The following MDK variants were observed in gnomAD, a reference collection of about 807,000 sequenced individuals.
MDK encodes the protein midkine.
MDK carries 17 observed loss-of-function variants against 18.9 expected under a neutral mutation model. The ratio of observed to expected loss-of-function variants is 0.90; its 90% CI spans 0.62 to 1.35. The LOEUF (loss-of-function observed/expected upper bound fraction) is 1.35, where lower values mean the gene tolerates loss of function less well. Ranked by LOEUF, MDK falls within the 40% of genes most tolerant of loss-of-function variation. The probability of loss-of-function intolerance (pLI) is 0.00; values close to 1 mark genes in which losing one functional copy is unlikely to be tolerated. For synonymous variants in MDK, 86 were observed against 74.3 expected (o/e 1.16, Z -0.81); for missense variants, 180 against 186.3 (o/e 0.97, Z 0.20).
chr11:46,381,356 G>T, upstream of MDK: 1 of 153,186 alleles, frequency 6.5e-6, no homozygotes, highest in South Asian at 1.8e-4. Context: ...CTGGGATGGG[G>T]GCAGCGGGCG....
chr11:46,382,796 C>T (rs746492125), intron 4 of MDK, 48 bp downstream of exon 4: 6 of 1,475,234 alleles, frequency 4.1e-6, no homozygotes, highest in East Asian at 2.7e-5. Flanking sequence ...GGCTGCCCCC[C>T]CCCCCCCCCG....
chr11:46,383,745 T>G lies in MDK; in HGVS notation c.*251T>G. On this transcript the variant is annotated 3_prime_UTR_variant, in exon 5 of 5. Transcript: ENST00000395566. ...TGAGTCCCAGAGCCCGCTTTTGTTC[T>G]TCCCCACAATTCCATTACTAAGAAA... 2 of 616,952 alleles carry G rather than the reference T, an allele frequency of 3.2e-6. No homozygotes were observed. Among genetic ancestry groups the G allele is most frequent in the South Asian group, 3.2e-5 (2 of 61,856 alleles). The allele number at this position is 616,952 out of a possible 1,614,324, so 38.2% of individuals were successfully genotyped here.
chr11:46,382,808 CTGTG>C, intron 4 of MDK, 60 bp downstream of exon 4: 1 of 1,474,948 alleles, frequency 6.8e-7, no homozygotes, highest in Non-Finnish European at 9.2e-7. Context: ...CCCCCCCCGC[CTGTG>C]AGGGGACAAT....
chr11:46,382,567 CTG>C lies in MDK; in HGVS notation c.245-19_245-18del, dbSNP rs749651858. On this transcript the variant is annotated intron_variant, in intron 3 of 4. Coordinates refer to ENST00000395566, the MANE Select transcript of MDK (RefSeq NM_002391.6). Reference sequence around the variant, plus strand: ...GGGCCGCGGGCCGCGCAGCGCTGACCTGGGCCGCTCTCTCGCCAGCCGACTGC... The same window carrying C: ...GGGCCGCGGGCCGCGCAGCGCTGACCGGCCGCTCTCTCGCCAGCCGACTGC... 1.7e-5 allele frequency: 27 copies of C among 1,598,920 alleles called. No homozygotes were observed. Among genetic ancestry groups the C allele is most frequent in the Non-Finnish European group, 2.2e-5 (26 of 1,172,270 alleles).
At position 46,382,694 on chromosome 11, in the gene MDK, G is replaced by A; in HGVS notation, c.352G>A (p.Glu118Lys). The A allele has an allele frequency of 6.2e-7, 1 of 1,612,548 alleles. No individual in the cohort carries two copies. The change falls in exon 4 of 5, where the codon GAG (glutamate) becomes AAG (lysine). Residue 118 changes from glutamate (E) to lysine (K), a missense_variant. Transcript: ENST00000395566. ...KKARYNAQCQ[E>K]TIRVTKPCTP... The stretch of plus-strand genomic sequence containing the variant: ...GGCGCGCTACAATGCTCAGTGCCAG[G>A]AGACCATCCGCGTCACCAAGCCCTG...
intron 4 of MDK, chr11:46,383,089 T>G: frequency 2.3e-6 from 1 of 440,316 alleles, no homozygotes; most frequent in South Asian, 2.4e-5. Flanking sequence ...GCTCTGCCCT[T>G]TCTAGTGTTG....
intron 4 of MDK, 27 bp downstream of exon 4, chr11:46,382,775 C>T: frequency 1.9e-6 from 2 of 1,054,614 alleles, no homozygotes; most frequent in Non-Finnish European, 2.6e-6. Context: ...GGGGGTGGGG[C>T]TGTCGCGGGG....
intron 4 of MDK, 39 bp downstream of exon 4, chr11:46,382,787 G>GGGGGGGCGC: frequency 2.0e-6 from 3 of 1,498,516 alleles, no homozygotes; most frequent in Non-Finnish European, 2.7e-6. Context: ...GTCGCGGGGG[G>GGGGGGGCGC]CTGCCCCCCC....
At chr11:46,382,515 G>A in intron 3 of MDK, 54 bp downstream of exon 3, 4 of 1,543,580 alleles carry the variant, frequency 2.6e-6, no homozygotes, top group Middle Eastern at 1.7e-4. Flanking sequence ...CCTCGCCGAA[G>A]CCTGGGCGGA....
chr11:46,382,816 G>A (rs902895311), intron 4 of MDK, 68 bp downstream of exon 4: 6 of 1,513,700 alleles, frequency 4.0e-6, no homozygotes, highest in Non-Finnish European at 5.4e-6. Flanking sequence ...GCCTGTGAGG[G>A]GACAATTCCA....
chr11:46,381,379 G>A (rs1945158623), upstream of MDK: 2 of 153,136 alleles, frequency 1.3e-5, no homozygotes. Flanking sequence ...GGCGCAGGGA[G>A]TGGGCCGGGG....
upstream of MDK, chr11:46,380,990 C>G (rs1382813195): frequency 6.6e-6 from 1 of 152,410 alleles, no homozygotes; most frequent in Non-Finnish European, 1.5e-5. Flanking sequence ...TCAGACGGCT[C>G]CTGTCAGCGC....
intron 4 of MDK, 53 bp downstream of exon 4, chr11:46,382,801 C>CT (rs756756877): frequency 6.6e-7 from 1 of 1,523,794 alleles, no homozygotes; most frequent in Admixed American, 2.0e-5. Flanking sequence ...CCCCCCCCCC[C>CT]CCCCGCCTGT....
chr11:46,382,584 CA>C lies in MDK; in HGVS notation c.245-2del. On this transcript the variant is annotated splice_acceptor_variant, in intron 3 of 4. Coordinates refer to ENST00000395566, the MANE Select transcript of MDK (RefSeq NM_002391.6). LOFTEE classifies it high-confidence loss of function. ...GCGCTGACCTGGGCCGCTCTCTCGCCAGCCGACTGCAAGTACAAGTTTGAGA... is the reference window on the plus strand; with the variant it reads ...GCGCTGACCTGGGCCGCTCTCTCGCCGCCGACTGCAAGTACAAGTTTGAGA... The C allele has an allele frequency of 6.2e-7, 1 of 1,607,328 alleles. No homozygotes were observed. Among genetic ancestry groups the C allele is most frequent in the Non-Finnish European group, 8.5e-7 (1 of 1,176,800 alleles).
chr11:46,383,114 C>T, intron 4 of MDK: 1 of 425,798 alleles, frequency 2.3e-6, no homozygotes, highest in Non-Finnish European at 4.3e-6. Context: ...GAGGTCAAGG[C>T]CCACCCTGGG....
At position 46,383,527 on chromosome 11, in the gene MDK, G is replaced by A. The variant is rs1186039291; in HGVS notation, c.*33G>A. ...GCCTGGATGCCAAGGAGCCCCTGGT[G>A]TCACATGGGGCCTGGCCCACGCCCT... On this transcript the variant is annotated 3_prime_UTR_variant, in exon 5 of 5. Transcript: ENST00000395566. 3.1e-6 allele frequency: 5 copies of A among 1,609,282 alleles called. No homozygotes were observed. Among genetic ancestry groups the A allele is most frequent in the African/African-American group, 2.7e-5 (2 of 74,824 alleles).
At chr11:46,382,179 C>A (rs1435916087) in intron 2 of MDK, 46 bp downstream of exon 2, 2 of 1,607,224 alleles carry the variant, frequency 1.2e-6, no homozygotes, top group Non-Finnish European at 1.7e-6. Context: ...GCAGGCGAGG[C>A]CCCTCCACTT....
chr11:46,382,943 G>A (rs1278393442), intron 4 of MDK, 195 bp downstream of exon 4: 11 of 658,344 alleles, frequency 1.7e-5, no homozygotes, highest in Non-Finnish European at 2.6e-5. Flanking sequence ...GGTGATGCTG[G>A]GGACATAAAT....
chr11:46,382,109 A>G lies in MDK; in HGVS notation c.52A>G (p.Thr18Ala), dbSNP rs1332488042. The G allele has an allele frequency of 1.2e-5, 19 of 1,610,862 alleles. No individual in the cohort carries two copies. Among genetic ancestry groups the G allele is most frequent in the Non-Finnish European group, 1.4e-5 (17 of 1,179,178 alleles). ...LLTLLALLAL[T>A]SAVAKKKDKV... ...CACCCTCCTCGCCCTGCTGGCGCTC[A>G]CCTCCGCGGTCGCCAAAAAGAAAGG... The change falls in exon 2 of 5, where the codon ACC (threonine) becomes GCC (alanine). Residue 18 changes from threonine to alanine, a missense_variant. Thr to Ala is a moderately conservative substitution (Grantham distance 58). Coordinates refer to ENST00000395566, the MANE Select transcript of MDK (RefSeq NM_002391.6).
Sources: allele counts gnomAD v4.1 joint callset, GRCh38; gene constraint gnomAD v4.1.1; transcripts MANE v1.5; gene names NCBI Gene and HGNC (gene_info 2026-07-23, HGNC 2026-07-21).